TMEM108: variants seen among roughly 807,000 people sequenced by gnomAD.
The protein encoded by TMEM108 is transmembrane protein 108, also known as cancer/testis antigen 124.
A neutral mutation model predicts 35.1 loss-of-function variants in TMEM108; 12 were observed. That is an observed-to-expected ratio of 0.34 (90% CI 0.22 to 0.55). The LOEUF (loss-of-function observed/expected upper bound fraction) is 0.55. Among genes scored for constraint, TMEM108 ranks in the 20% least tolerant of loss-of-function variants. The pLI, the probability that TMEM108 is intolerant of heterozygous loss-of-function variation, is 0.89. For synonymous variants in TMEM108, 287 were observed against 308.6 expected, an observed-to-expected ratio of 0.93 and a Z score of 0.73; for missense variants, 680 against 753.3, an observed-to-expected ratio of 0.90 and a Z score of 1.14.
Position 133,258,265 on chromosome 3 carries a change from T to G in TMEM108, c.40+28914T>G, listed in dbSNP as rs532135027. On this transcript the variant is annotated intron_variant, in intron 3 of 5. Coordinates refer to ENST00000321871, the MANE Select transcript of TMEM108 (RefSeq NM_023943.4). ...ACCAGAAACTGAGTCTGCTGGCACC[T>G]TGATCTTGGGCTTCTCAGCTTCCAA... 1.9e-3 allele frequency among the ~76,000 whole-genome samples: 296 copies of G among 152,352 alleles called. 3 individuals carry two copies. The highest frequency in any genetic ancestry group is 1.7e-3 in the Non-Finnish European group (119 of 68,036).
At chr3:133,160,932 C>A (rs930863285) in intron 2 of TMEM108, among the ~76,000 whole-genome samples, 14 of 152,184 alleles carry the variant, frequency 9.2e-5, no homozygotes, top group Non-Finnish European at 1.8e-4. Context: ...CCTGTAATGG[C>A]CTCCTAACTG....
chr3:133,184,240 T>C (rs942348847), intron 2 of TMEM108, among the ~76,000 whole-genome samples: 1 of 152,212 alleles, frequency 6.6e-6, no homozygotes, highest in Non-Finnish European at 1.5e-5. Flanking sequence ...TCGGAACTAA[T>C]TTTTAAAAAA....
intron 2 of TMEM108, among the ~76,000 whole-genome samples, chr3:133,133,430 A>G (rs910170922): frequency 6.6e-6 from 1 of 152,198 alleles, no homozygotes; most frequent in Admixed American, 6.5e-5. Flanking sequence ...TGCACACTTA[A>G]TAGACTACAG....
intron 3 of TMEM108, among the ~76,000 whole-genome samples, chr3:133,331,076 A>C (rs540380488): frequency 5.3e-5 from 8 of 152,308 alleles, no homozygotes; most frequent in Admixed American, 5.2e-4. Flanking sequence ...TTATGATACT[A>C]CATAGAGGTT....
At chr3:133,176,736 C>A (rs1472179774) in intron 2 of TMEM108, among the ~76,000 whole-genome samples, 2 of 151,498 alleles carry the variant, frequency 1.3e-5, no homozygotes, top group African/African-American at 4.8e-5. Flanking sequence ...AAATCGACAC[C>A]AACATCACAA....
intron 3 of TMEM108, among the ~76,000 whole-genome samples, chr3:133,230,538 A>C (rs954743523): frequency 1.3e-5 from 2 of 152,220 alleles, no homozygotes; most frequent in African/African-American, 4.8e-5. Context: ...AGATTAAAGA[A>C]GCAATGTCAT....
At chr3:133,087,908 G>A (rs916544179) in intron 2 of TMEM108, among the ~76,000 whole-genome samples, 3 of 152,104 alleles carry the variant, frequency 2.0e-5, no homozygotes, top group South Asian at 2.1e-4. Context: ...GCCCAACTAC[G>A]TGGTGCCTTT....
intron 2 of TMEM108, among the ~76,000 whole-genome samples, chr3:133,062,501 C>CT (rs1943548271): frequency 6.6e-6 from 1 of 152,174 alleles, no homozygotes; most frequent in African/African-American, 2.4e-5. Flanking sequence ...ACATTCTCCT[C>CT]TTTTATAGTC....
intron 2 of TMEM108, among the ~76,000 whole-genome samples, chr3:133,119,777 C>A (rs947075565): frequency 2.0e-5 from 3 of 152,154 alleles, no homozygotes; most frequent in African/African-American, 7.2e-5. Context: ...AAAACTTGCC[C>A]ATAATTCAAT....
chr3:133,271,850 T>TTA (rs1946775436), intron 3 of TMEM108, among the ~76,000 whole-genome samples: 1 of 152,184 alleles, frequency 6.6e-6, no homozygotes, highest in Non-Finnish European at 1.5e-5. Flanking sequence ...GGGTCTCTAC[T>TTA]ATGTTTCAGC....
At chr3:133,186,844 A>G (rs1945428900) in intron 2 of TMEM108, among the ~76,000 whole-genome samples, 1 of 152,036 alleles carries the variant, frequency 6.6e-6, no homozygotes, top group Admixed American at 6.6e-5. Context: ...AAATTAATAT[A>G]TATCATTTCT....
At chr3:133,301,281 A>G (rs1947221610) in intron 3 of TMEM108, among the ~76,000 whole-genome samples, 1 of 152,178 alleles carries the variant, frequency 6.6e-6, no homozygotes, top group African/African-American at 2.4e-5. Flanking sequence ...CAACAGCAGC[A>G]TGTATTCCAT....
intron 2 of TMEM108, among the ~76,000 whole-genome samples, chr3:133,178,038 A>C (rs529300379): frequency 6.6e-6 from 1 of 152,340 alleles, no homozygotes; most frequent in Admixed American, 6.5e-5. Flanking sequence ...CAGAGAGCCA[A>C]ATCATGAGTG....
intron 2 of TMEM108, among the ~76,000 whole-genome samples, chr3:133,185,215 CA>C (rs1945401381): frequency 6.6e-6 from 1 of 152,128 alleles, no homozygotes; most frequent in African/African-American, 2.4e-5. Context: ...CTTCCTGCCA[CA>C]AATTCTCCAG....
At position 133,293,649 on chromosome 3, in the gene TMEM108, G is replaced by A. The variant is rs534293326; in HGVS notation, c.40+64298G>A. Among the ~76,000 whole-genome samples, 9 of 152,180 alleles carry A rather than the reference G, an allele frequency of 5.9e-5. No homozygotes were observed. In the South Asian group the frequency reaches 1.9e-3, roughly 32 times the overall value. ...AGTTCCTTCCTAAGACGGATGTTGA[G>A]TGGTTTTGCTGGCTAACTCGTCAAG... On this transcript the variant is annotated intron_variant, in intron 3 of 5. Coordinates refer to ENST00000321871, the MANE Select transcript of TMEM108 (RefSeq NM_023943.4).
intron 2 of TMEM108, among the ~76,000 whole-genome samples, chr3:133,078,250 G>T (rs1174864517): frequency 6.6e-6 from 1 of 151,530 alleles, no homozygotes; most frequent in Admixed American, 6.6e-5. Context: ...TTTTGTGGAC[G>T]ACAGGGCATA....
intron 3 of TMEM108, chr3:133,303,397 G>A (rs1947258877): frequency 6.6e-6 from 1 of 152,090 alleles, no homozygotes; most frequent in African/African-American, 2.4e-5. Flanking sequence ...CAAATCTCAT[G>A]GATAATGAAC....
At chr3:133,319,805 C>T (rs1321697859) in intron 3 of TMEM108, among the ~76,000 whole-genome samples, 1 of 152,172 alleles carries the variant, frequency 6.6e-6, no homozygotes, top group Admixed American at 6.5e-5. Flanking sequence ...TCACAGGAAG[C>T]CCCATCCCTA....
intron 2 of TMEM108, among the ~76,000 whole-genome samples, chr3:133,152,513 A>G (rs1944816863): frequency 6.6e-6 from 1 of 152,134 alleles, no homozygotes; most frequent in Non-Finnish European, 1.5e-5. Context: ...TGTTTTAGAA[A>G]TTGTCGTCAT....
Sources: gnomAD v4.1 joint callset for allele counts (sites outside exome capture counted in the v4.1 genomes callset) on GRCh38, gnomAD v4.1.1 for gene constraint, MANE v1.5 for transcripts, NCBI Gene and HGNC (gene_info 2026-07-23, HGNC 2026-07-21) for gene names.